GFUS: variants seen among roughly 807,000 people sequenced by gnomAD.
The protein encoded by GFUS is GDP-L-fucose synthase.
In GFUS, 42 loss-of-function variants were observed where a neutral mutation model predicts 41.5. The ratio of observed to expected loss-of-function variants is 1.01; its 90% CI spans 0.79 to 1.31. The LOEUF is 1.31. GFUS is among the 50% of genes most tolerant of loss of function. GFUS has a pLI of 0.00. For missense variants in GFUS, 437 were observed against 428.7 expected, an observed-to-expected ratio of 1.02 and a Z score of -0.17; for synonymous variants, 188 against 173.4, an observed-to-expected ratio of 1.08 and a Z score of -0.66.
intron 3 of GFUS, 47 bp downstream of exon 3, chr8:143,616,059 A>C: frequency 6.8e-7 from 1 of 1,480,022 alleles, no homozygotes; most frequent in South Asian, 1.3e-5. Context: ...AGTTCCCAGA[A>C]CCTGGGATCC....
chr8:143,617,715 C>T (rs1204824785), upstream of GFUS: 1 of 152,088 alleles, frequency 6.6e-6, no homozygotes, highest in Non-Finnish European at 1.5e-5. Context: ...GGACGAAGTC[C>T]CGGGCCGCAA....
At chr8:143,616,404 GGAA>G in intron 2 of GFUS, 160 bp downstream of exon 2, 1 of 1,259,598 alleles carries the variant, frequency 7.9e-7, no homozygotes, top group Non-Finnish European at 1.2e-6. Flanking sequence ...TGTTTTTCCA[GGAA>G]CACAGCCAAG....
chr8:143,616,364 C>G (rs534428028), intron 2 of GFUS, 144 bp from the exon 3 acceptor site: 2 of 1,140,986 alleles, frequency 1.8e-6, no homozygotes, highest in East Asian at 4.7e-5. Flanking sequence ...TATGAGGGTG[C>G]AGGCTTCCAG....
chr8:143,613,831 A>G lies in GFUS; in HGVS notation c.664-14T>C, dbSNP rs1344591880. Reference sequence around the variant, plus strand: ...CTGGGCCAGGTCCTAGAGGTCAGACAGGCAGGGTCAGAGACCATGGGTATA... The same window carrying G: ...CTGGGCCAGGTCCTAGAGGTCAGACGGGCAGGGTCAGAGACCATGGGTATA... On this transcript the variant is annotated splice_polypyrimidine_tract_variant and intron_variant, in intron 7 of 10. Coordinates refer to ENST00000425753, the MANE Select transcript of GFUS (RefSeq NM_003313.4). 2.6e-6 allele frequency: 4 copies of G among 1,550,590 alleles called. No individual in the cohort carries two copies. Among genetic ancestry groups the G allele is most frequent in the Non-Finnish European group, 3.5e-6 (4 of 1,146,948 alleles).
upstream of GFUS, chr8:143,617,803 G>C (rs569589955): frequency 1.3e-5 from 2 of 152,298 alleles, no homozygotes; most frequent in East Asian, 1.9e-4. Flanking sequence ...CCAGCCGGCA[G>C]CGCCGCGCGG....
rs1829621925 is a variant in GFUS at position 143,613,230 on chromosome 8, G to A, written c.876C>T (p.Tyr292=). The A allele has an allele frequency of 1.2e-6, 2 of 1,614,100 alleles. No homozygotes were observed. The highest frequency in any genetic ancestry group is 1.7e-6 in the Non-Finnish European group (2 of 1,179,986). ...KTASNSKLRT[Y]LPDFRFTPFK... is the part of the protein sequence containing the mutation. ...AGGGTGTGAACCGGAAGTCGGGCAG[G>A]TAGGTCCTCAGCTTGCTGTTACTGG... Residue 292 remains tyrosine (Y), a synonymous_variant, in exon 10 of 11, where the codon TAC becomes TAT. Transcript: ENST00000425753.
At chr8:143,615,843 C>T in intron 3 of GFUS, 1 of 421,512 alleles carries the variant, frequency 2.4e-6, no homozygotes, top group East Asian at 3.7e-5. Flanking sequence ...TCTTTTCAGC[C>T]TCCCAATGCT....
chr8:143,615,392 G>C (rs1165928284), intron 3 of GFUS, among the ~76,000 whole-genome samples: 2 of 152,224 alleles, frequency 1.3e-5, no homozygotes, highest in Admixed American at 6.5e-5. Flanking sequence ...GCATGAACTA[G>C]ACACGGCATG....
rs760974547 is a variant in GFUS at position 143,616,134 on chromosome 8, C to A, written c.233G>T (p.Arg78Leu). Residue 78 changes from arginine to leucine, a missense_variant, in exon 3 of 11, where the codon CGG becomes CTG. Physicochemically the swap from Arg to Leu is moderately radical, Grantham distance 102. Transcript: ENST00000425753. Reference protein sequence around the residue: ...HLAAMVGGLFRNIKYNLDFWR... With the variant: ...HLAAMVGGLFLNIKYNLDFWR... ...GAAGTCCAAATTGTATTTGATATTC[C>A]GGAACAGGCCCCCCACCATTGCAGC... 5 of 1,607,818 alleles carry A rather than the reference C, an allele frequency of 3.1e-6. No individual in the cohort carries two copies. In the African/African-American group the frequency reaches 6.7e-5, roughly 22 times the overall value.
Position 143,612,872 on chromosome 8 carries a change from G to A in GFUS, c.*38C>T, listed in dbSNP as rs756641766. ...GGGTGGTGGCCGCTGGGCTCTGCCA[G>A]CCGATGGTCCGCTGGCACCTGATCC... On this transcript the variant is annotated 3_prime_UTR_variant, in exon 11 of 11. Transcript: ENST00000425753. 1.3e-6 allele frequency: 2 copies of A among 1,586,120 alleles called. No homozygotes were observed. The highest frequency in any genetic ancestry group is 1.7e-6 in the Non-Finnish European group (2 of 1,168,402).
In GFUS at chr8:143,613,618, C is replaced by A. The variant is rs374288652; in HGVS notation, c.731-15G>T. 6.2e-7 allele frequency: 1 copy of A among 1,611,480 alleles called. No homozygotes were observed. The highest frequency in any genetic ancestry group is 1.7e-5 in the Admixed American group (1 of 59,938). On this transcript the variant is annotated splice_polypyrimidine_tract_variant and intron_variant, in intron 8 of 10. Coordinates refer to ENST00000425753, the MANE Select transcript of GFUS (RefSeq NM_003313.4). ...TTCCTCGCCCACTGTGGGGAGCCAC[C>A]GGGTCAGGCCTCCCCTTGGTGCCAC... is the stretch of plus-strand genomic sequence containing the variant.
At chr8:143,615,031 A>G in intron 3 of GFUS, 116 bp from the exon 4 acceptor site, 1 of 1,456,060 alleles carries the variant, frequency 6.9e-7, no homozygotes, top group Non-Finnish European at 9.1e-7. Flanking sequence ...GGGAGGACCC[A>G]AGCCTGCCCA....
In GFUS at chr8:143,613,620, G is replaced by C. The variant is rs1164141803; in HGVS notation, c.731-17C>G. The C allele has an allele frequency of 1.9e-6, 3 of 1,611,590 alleles. No homozygotes were observed. In the African/African-American group the frequency reaches 4.0e-5, roughly 22 times the overall value. The stretch of plus-strand genomic sequence containing the variant: ...CCTCGCCCACTGTGGGGAGCCACCG[G>C]GTCAGGCCTCCCCTTGGTGCCACCC... On this transcript the variant is annotated splice_polypyrimidine_tract_variant and intron_variant, in intron 8 of 10. Coordinates refer to ENST00000425753, the MANE Select transcript of GFUS (RefSeq NM_003313.4).
chr8:143,615,528 G>A (rs964092613), intron 3 of GFUS, among the ~76,000 whole-genome samples: 4 of 152,202 alleles, frequency 2.6e-5, no homozygotes, highest in Admixed American at 2.0e-4. Context: ...TCTCCTCTGA[G>A]CCTCTGCTCA....
At position 143,614,921 on chromosome 8, in the gene GFUS, G is replaced by A. The variant is rs764943072; in HGVS notation, c.262-6C>T. On this transcript the variant is annotated splice_polypyrimidine_tract_variant and splice_region_variant and intron_variant, in intron 3 of 10. Coordinates refer to ENST00000425753, the MANE Select transcript of GFUS (RefSeq NM_003313.4). ...TTCATGTGCACGTTTTTCCTCTGCA[G>A]GGGTGAGGCGGGGACAGTTCAGGCT... The A allele has an allele frequency of 1.3e-6, 2 of 1,597,072 alleles. No homozygotes were observed. The highest frequency in any genetic ancestry group is 3.4e-5 in the Admixed American group (2 of 59,294).
chr8:143,613,920 T>G (rs1829648101), intron 7 of GFUS, 103 bp from the exon 8 acceptor site: 1 of 1,333,270 alleles, frequency 7.5e-7, no homozygotes, highest in Admixed American at 2.0e-5. Flanking sequence ...CAGTGGGGGC[T>G]CAGCCTGGGG....
At chr8:143,617,595 AGTCCCGGGGGCGCGCAGC>A (rs1186174146), upstream of GFUS, 2 of 152,036 alleles carry the variant, frequency 1.3e-5, no homozygotes, top group African/African-American at 4.8e-5. Context: ...TGGGAAATGG[AGTCCCGGGGGCGCGCAGC>A]GTCCCGGGCA....
rs1829655126 is a variant in GFUS at position 143,614,175 on chromosome 8, T to G, written c.652A>C (p.Ile218Leu). The change falls in exon 7 of 11, where the codon ATA (isoleucine) becomes CTA (leucine). Residue 218 changes from isoleucine (I) to leucine (L), a missense_variant. Coordinates refer to ENST00000425753, the MANE Select transcript of GFUS (RefSeq NM_003313.4). ...WGTGNPRRQF[I>L]YSLDLAQLFI... ...CTTCCTTTACGCACCAGCGAGTATATGAACTGCCTCCGCGGATTCCCTGTA... is the reference window on the plus strand; with the variant it reads ...CTTCCTTTACGCACCAGCGAGTATAGGAACTGCCTCCGCGGATTCCCTGTA... 3.1e-6 allele frequency: 5 copies of G among 1,613,448 alleles called. No homozygotes were observed. Among genetic ancestry groups the G allele is most frequent in the East Asian group, 2.2e-5 (1 of 44,880 alleles).
chr8:143,613,675 C>T, intron 8 of GFUS, 72 bp from the exon 9 acceptor site: 1 of 1,576,998 alleles, frequency 6.3e-7, no homozygotes. Flanking sequence ...TGCTCCCACC[C>T]CTCAGCCAGC....
Sources: allele counts gnomAD v4.1 joint callset (sites outside exome capture counted in the v4.1 genomes callset), GRCh38; gene constraint gnomAD v4.1.1; transcripts MANE v1.5; gene names NCBI Gene and HGNC (gene_info 2026-07-23, HGNC 2026-07-21).